NCOA4: variants seen among roughly 807,000 people sequenced by gnomAD.
The protein encoded by NCOA4 is 70 kDa AR-activator.
Under a neutral mutation model 69.5 loss-of-function variants are expected in NCOA4, and 31 were observed. The ratio of observed to expected loss-of-function variants is 0.45; its 90% confidence interval spans 0.34 to 0.60. NCOA4 has a LOEUF of 0.60. Ranked by LOEUF, NCOA4 falls within the 20% of genes least tolerant of loss-of-function variation. The pLI is 0.02. For synonymous variants in NCOA4, 228 were observed against 252.4 expected (o/e 0.90, Z 0.92); for missense variants, 600 against 719.2 (o/e 0.83, Z 1.90).
At position 46,010,558 on chromosome 10, in the gene NCOA4, CTT is replaced by C; in HGVS notation, c.1361_1362del (p.Lys454ArgfsTer10). The C allele has an allele frequency of 6.2e-7, 1 of 1,614,202 alleles. No homozygotes were observed. Among genetic ancestry groups the C allele is most frequent in the Non-Finnish European group, 8.5e-7 (1 of 1,180,034 alleles). ...VEPKPEPEKH[K>X]DSLNMWLCPR... ...GGACAGAGCCACATATTCAGGGAAT[CTT>C]TATGCTTCTCAGGCTCAGGTTTGGG... is the stretch of plus-strand genomic sequence containing the variant. On this transcript the variant is annotated frameshift_variant, in exon 8 of 10. Transcript: ENST00000581486. LOFTEE classifies it high-confidence loss of function.
rs782206285 is a variant in NCOA4 at position 46,010,885 on chromosome 10, A to T, written c.1036T>A (p.Ser346Thr). 4 of 1,613,874 alleles carry T rather than the reference A, an allele frequency of 2.5e-6. No individual in the cohort carries two copies. The highest frequency in any genetic ancestry group is 1.3e-5 in the African/African-American group (1 of 74,918). The change falls in exon 8 of 10, where the codon TCC becomes ACC. Residue 346 changes from serine (S) to threonine (T), a missense_variant. By Grantham distance (58) the Ser-to-Thr change is moderately conservative. Transcript: ENST00000581486. ...NVNDWLVKTD[S>T]CTNCQGNQPK... ...TGGTTTCCCTGACAGTTGGTACAGG[A>T]GTCAGTCTTGACAAGCCAATCATTC... is the stretch of plus-strand genomic sequence containing the variant.
chr10:46,024,837 G>A (rs1325000243), intron 1 of NCOA4, among the ~76,000 whole-genome samples: 1 of 152,182 alleles, frequency 6.6e-6, no homozygotes, highest in Non-Finnish European at 1.5e-5. Flanking sequence ...ATCTAAAGCA[G>A]CGTAGCTCTC....
rs959256322 is a variant in NCOA4, at chr10:46,025,347, G to T, written c.-15+5179C>A. Among the ~76,000 whole-genome samples, 3 of 152,292 alleles carry T rather than the reference G, an allele frequency of 2.0e-5. No individual in the cohort carries two copies. In the South Asian group the frequency reaches 6.2e-4, roughly 32 times the overall value. Reference sequence around the variant, plus strand: ...TGGATGGTGCCCACACACACTGAGGGTGGATTTTCCCCACCTAATCCACTT... The same window carrying T: ...TGGATGGTGCCCACACACACTGAGGTTGGATTTTCCCCACCTAATCCACTT... On this transcript the variant is annotated intron_variant, in intron 1 of 9. Coordinates refer to ENST00000581486, the MANE Select transcript of NCOA4 (RefSeq NM_001145263.2).
chr10:46,009,196 T>A (rs373818982), intron 9 of NCOA4: 6 of 1,550,922 alleles, frequency 3.9e-6, no homozygotes, highest in Non-Finnish European at 5.2e-6. Context: ...ATCTTGAAAG[T>A]TCATTTTGAA....
chr10:46,025,109 A>C (rs931075542), intron 1 of NCOA4, among the ~76,000 whole-genome samples: 6 of 152,216 alleles, frequency 3.9e-5, no homozygotes, highest in Non-Finnish European at 8.8e-5. Context: ...GTCCAAGTGC[A>C]AAGGCCTCAG....
At position 46,016,052 on chromosome 10, in the gene NCOA4, CACA is replaced by C. The variant is rs1305166771; in HGVS notation, c.141+485_141+487del. ...GTCATGTAATACTTGGTCTAACACA[CACA>C]ACAACAAAATACTACTGGAACCAAC... is the stretch of plus-strand genomic sequence containing the variant. On this transcript the variant is annotated intron_variant, in intron 2 of 9. Transcript: ENST00000581486. 2.4e-4 allele frequency among the ~76,000 whole-genome samples: 36 copies of C among 152,276 alleles called. 1 individual carries two copies. The highest frequency in any genetic ancestry group is 8.4e-4 in the African/African-American group (35 of 41,556).
intron 1 of NCOA4, among the ~76,000 whole-genome samples, chr10:46,021,763 C>CA (rs2132366495): frequency 6.6e-6 from 1 of 152,262 alleles, no homozygotes; most frequent in South Asian, 2.1e-4. Context: ...AGTTCGAGAC[C>CA]AGCCTGACCA....
chr10:46,027,364 GAAGAT>G, intron 1 of NCOA4: 1 of 1,383,806 alleles, frequency 7.2e-7, no homozygotes, highest in Non-Finnish European at 1.0e-6. Flanking sequence ...AACAATCAAA[GAAGAT>G]AAGCTAAGGA....
At chr10:46,009,020 G>A (rs1839025147) in intron 9 of NCOA4, 1 of 666,358 alleles carries the variant, frequency 1.5e-6, no homozygotes. Flanking sequence ...CTTAACTATA[G>A]TGTATTATAT....
At position 46,014,938 on chromosome 10, in the gene NCOA4, A is replaced by C; in HGVS notation, c.287T>G (p.Leu96Trp). 6.2e-7 allele frequency: 1 copy of C among 1,613,608 alleles called. No homozygotes were observed. The highest frequency in any genetic ancestry group is 1.1e-5 in the South Asian group (1 of 90,926). The change falls in exon 4 of 10, where the codon TTG (leucine) becomes TGG (tryptophan). Residue 96 changes from leucine to tryptophan, a missense_variant. Physicochemically the swap from Leu to Trp is moderately conservative, Grantham distance 61 (BLOSUM62 -2). Coordinates refer to ENST00000581486, the MANE Select transcript of NCOA4 (RefSeq NM_001145263.2). ...ATGAGTAAGACAATTGAACTGGCCC[A>C]ATAACTAAAAGAAAAATGAAACCAA... The part of the protein sequence containing the change: ...QQQAQQLYSL[L>W]GQFNCLTHQL...
At chr10:46,015,817 T>G (rs1839507752) in intron 2 of NCOA4, among the ~76,000 whole-genome samples, 1 of 152,188 alleles carries the variant, frequency 6.6e-6, no homozygotes, top group African/African-American at 2.4e-5. Context: ...TGCCACCACA[T>G]GTCAACAGCT....
At chr10:46,022,497 G>A in intron 1 of NCOA4, 1 of 460,774 alleles carries the variant, frequency 2.2e-6, no homozygotes, top group South Asian at 1.6e-5. Flanking sequence ...ACGGAGTCTA[G>A]CTCTGCCGCC....
chr10:46,016,980 G>C (rs1483931432), intron 1 of NCOA4, among the ~76,000 whole-genome samples: 1 of 152,208 alleles, frequency 6.6e-6, no homozygotes, highest in African/African-American at 2.4e-5. Context: ...AGAGCATACA[G>C]TGTCCTGAAA....
chr10:46,023,176 C>G (rs1384401644), intron 1 of NCOA4, among the ~76,000 whole-genome samples: 1 of 152,218 alleles, frequency 6.6e-6, no homozygotes, highest in Non-Finnish European at 1.5e-5. Flanking sequence ...AAGCCCTTTC[C>G]AAGCGGCCTC....
intron 9 of NCOA4, among the ~76,000 whole-genome samples, chr10:46,007,451 T>A (rs1838897147): frequency 6.6e-6 from 1 of 152,142 alleles, no homozygotes; most frequent in Non-Finnish European, 1.5e-5. Context: ...CTCAACATTT[T>A]CAGTGCAGAC....
intron 1 of NCOA4, among the ~76,000 whole-genome samples, chr10:46,029,233 A>G (rs1451671629): frequency 6.6e-6 from 1 of 152,150 alleles, no homozygotes; most frequent in Non-Finnish European, 1.5e-5. Flanking sequence ...AAAGAGTAGG[A>G]TTTTCCTTAG....
At position 46,019,345 on chromosome 10, in the gene NCOA4, C is replaced by T. The variant is rs1839737114; in HGVS notation, c.-14-2651G>A. ...TACCTGTATCACATGGGTGAAATGC[C>T]GGCTCCGATTTGGAGAGCTGGAGCG... On this transcript the variant is annotated intron_variant, in intron 1 of 9. Transcript: ENST00000581486. 5.1e-6 allele frequency: 5 copies of T among 985,290 alleles called. No individual in the cohort carries two copies. In the South Asian group the frequency reaches 1.4e-4, roughly 28 times the overall value. The allele number at this position is 985,290 out of a possible 1,614,324, so 61.0% of individuals were successfully genotyped here.
Position 46,005,886 on chromosome 10 carries a change from A to C in NCOA4, c.*706T>G, listed in dbSNP as rs545892791. ...ATTTTAAAAGGCTAGAATTACCTCA[A>C]AAATAGTCTTGAAATAATACTGAGT... On this transcript the variant is annotated 3_prime_UTR_variant, in exon 10 of 10. Transcript: ENST00000581486. The C allele has an allele frequency of 4.8e-6, 1 of 208,054 alleles. No homozygotes were observed. Among genetic ancestry groups the C allele is most frequent in the East Asian group, 7.4e-5 (1 of 13,566 alleles). The allele number at this position is 208,054 out of a possible 1,614,324, so 12.9% of individuals were successfully genotyped here. A position where few individuals can be genotyped will look rare whatever the true frequency, so the allele number is the denominator to read the frequency against.
chr10:46,022,564 C>G, intron 1 of NCOA4: 2 of 413,486 alleles, frequency 4.8e-6, no homozygotes, highest in Non-Finnish European at 9.8e-6. Flanking sequence ...GGCTTCATAC[C>G]ATTCTCCTGT....
Sources: allele counts gnomAD v4.1 joint callset (sites outside exome capture counted in the v4.1 genomes callset), GRCh38; gene constraint gnomAD v4.1.1; transcripts MANE v1.5; gene names NCBI Gene and HGNC (gene_info 2026-07-23, HGNC 2026-07-21).